ALDH1A2: variants seen among roughly 807,000 people sequenced by gnomAD.
ALDH1A2 encodes the protein retinal dehydrogenase 2.
ALDH1A2 carries 27 observed loss-of-function variants against 60.3 expected under a neutral mutation model. The observed-to-expected ratio is 0.45, with a 90% confidence interval of 0.33 to 0.62. ALDH1A2 has a LOEUF of 0.62. ALDH1A2 is among the 20% of genes least tolerant of loss of function. ALDH1A2 has a pLI of 0.02. For missense variants in ALDH1A2, 581 were observed against 643.8 expected, an observed-to-expected ratio of 0.90 and a Z score of 1.06; for synonymous variants, 289 against 232.4, an observed-to-expected ratio of 1.24 and a Z score of -2.21.
chr15:58,002,081 T>C (rs1043015900), intron 4 of ALDH1A2, among the ~76,000 whole-genome samples: 8 of 151,906 alleles, frequency 5.3e-5, no homozygotes, highest in Admixed American at 1.3e-4. Flanking sequence ...CAGTCAGAGG[T>C]AACTTTTCTG....
rs187014306 is a variant in ALDH1A2 at position 58,032,863 on chromosome 15, A to G, written c.118-18582T>C. Among the ~76,000 whole-genome samples, 178 of 152,094 alleles carry G rather than the reference A, an allele frequency of 1.2e-3. 1 individual carries two copies. The highest frequency in any genetic ancestry group is 4.1e-3 in the African/African-American group (169 of 41,526). ...TTTAGCCATAGAAAAGAAATGAATC[A>G]TGTCATTTGCAGCAACGTAGATGGG... On this transcript the variant is annotated intron_variant, in intron 1 of 12. Coordinates refer to ENST00000249750, the MANE Select transcript of ALDH1A2 (RefSeq NM_003888.4).
At chr15:58,040,516 C>T (rs1198142008) in intron 1 of ALDH1A2, among the ~76,000 whole-genome samples, 4 of 151,816 alleles carry the variant, frequency 2.6e-5, no homozygotes, top group African/African-American at 9.7e-5. Context: ...AACAAATCTA[C>T]GATGTAGGCA....
chr15:57,982,734 G>C (rs759871001), intron 7 of ALDH1A2, among the ~76,000 whole-genome samples: 1 of 152,188 alleles, frequency 6.6e-6, no homozygotes, highest in African/African-American at 2.4e-5. Flanking sequence ...ATGTGGTTAA[G>C]AATAATATAA....
chr15:58,025,570 C>A (rs1896058051), intron 1 of ALDH1A2, among the ~76,000 whole-genome samples: 1 of 152,076 alleles, frequency 6.6e-6, no homozygotes, highest in Non-Finnish European at 1.5e-5. Context: ...CCAAATTCTA[C>A]CAAACATACA....
Position 58,002,564 on chromosome 15 carries a change from C to G in ALDH1A2, c.494-7425G>C, listed in dbSNP as rs1895309861. On this transcript the variant is annotated intron_variant, in intron 4 of 12. Coordinates refer to ENST00000249750, the MANE Select transcript of ALDH1A2 (RefSeq NM_003888.4). ...TGAGTATGACTAAGCAATCTGTAAA[C>G]AGTGATAAAATCAGAAGAATCTGAA... Among the ~76,000 whole-genome samples the G allele has an allele frequency of 2.6e-5, 4 of 151,898 alleles. No homozygotes were observed. In the South Asian group the frequency reaches 6.2e-4, roughly 24 times the overall value.
chr15:57,966,569 C>T (rs528415203), intron 7 of ALDH1A2, among the ~76,000 whole-genome samples: 5 of 152,354 alleles, frequency 3.3e-5, no homozygotes, highest in Admixed American at 2.0e-4. Context: ...CAGCCTGCAG[C>T]TGTCACCTCC....
At chr15:57,986,571 CAAA>C (rs71116542) in intron 7 of ALDH1A2, among the ~76,000 whole-genome samples, 2,048 of 82,032 alleles carry the variant, frequency 0.025, 48 homozygotes, top group African/African-American at 0.075. Context: ...ACAGAAAAGC[CAAA>C]AAAAAAAAAA....
chr15:57,955,534 A>C (rs1218324477), intron 12 of ALDH1A2, among the ~76,000 whole-genome samples: 1 of 152,218 alleles, frequency 6.6e-6, no homozygotes, highest in Non-Finnish European at 1.5e-5. Flanking sequence ...ACTTGTTTTC[A>C]CAATACTGCA....
At chr15:58,059,573 T>C (rs567290188) in intron 1 of ALDH1A2, among the ~76,000 whole-genome samples, 2 of 152,350 alleles carry the variant, frequency 1.3e-5, no homozygotes, top group East Asian at 1.9e-4. Flanking sequence ...TGTATTTTTA[T>C]CCTAACTACT....
intron 1 of ALDH1A2, among the ~76,000 whole-genome samples, chr15:58,038,098 G>A (rs982464436): frequency 3.3e-5 from 5 of 151,258 alleles, no homozygotes; most frequent in African/African-American, 9.7e-5. Context: ...GGGTTTCCCT[G>A]GTCTCTTCCT....
chr15:57,964,182 A>C (rs1488055037), intron 8 of ALDH1A2, 113 bp from the exon 9 acceptor site: 1 of 1,066,680 alleles, frequency 9.4e-7, no homozygotes, highest in African/African-American at 1.6e-5. Flanking sequence ...ACTGCATGAC[A>C]TAACCATGAA....
intron 7 of ALDH1A2, among the ~76,000 whole-genome samples, chr15:57,974,432 C>CAAAAAAAAAA (rs61170362): frequency 7.2e-5 from 7 of 96,620 alleles, no homozygotes; most frequent in East Asian, 3.8e-4. Context: ...GACTCCATCT[C>CAAAAAAAAAA]AAAAAAAAAA....
rs758948110 is a variant in ALDH1A2, at chr15:57,992,714, C to T, written c.789G>A (p.Gly263=). 2.5e-6 allele frequency: 4 copies of T among 1,614,038 alleles called. No homozygotes were observed. Among genetic ancestry groups the T allele is most frequent in the Admixed American group, 3.3e-5 (2 of 60,012 alleles). ...TTTTTCAGATACCTACCTCAGTAGA[C>T]CCTGTGAATGCAATCTTGTCTATGC... The part of the protein sequence containing the change: ...HIGIDKIAFT[G]STEVGKLIQE... Residue 263 remains glycine, a synonymous_variant, in exon 7 of 13, where the codon GGG becomes GGA. Transcript: ENST00000249750.
chr15:58,050,187 T>C (rs1896739154), intron 1 of ALDH1A2, among the ~76,000 whole-genome samples: 2 of 130,228 alleles, frequency 1.5e-5, no homozygotes, highest in African/African-American at 5.7e-5. Flanking sequence ...TCAATAGTAT[T>C]GCTAGGGTTA....
At position 57,993,083 on chromosome 15, in the gene ALDH1A2, A is replaced by T; in HGVS notation, c.556-10T>A. The T allele has an allele frequency of 3.7e-6, 6 of 1,611,598 alleles. No homozygotes were observed. The highest frequency in any genetic ancestry group is 5.1e-6 in the Non-Finnish European group (6 of 1,179,846). ...GCAGGGGGAAGTTCCACTGAAAGGA[A>T]AAAACTCAAAGTTGATAGATGGAAA... On this transcript the variant is annotated splice_polypyrimidine_tract_variant and intron_variant, in intron 5 of 12. Transcript: ENST00000249750.
intron 1 of ALDH1A2, among the ~76,000 whole-genome samples, chr15:58,019,809 TTTTTTA>T (rs1264984470): frequency 6.6e-6 from 1 of 152,156 alleles, no homozygotes; most frequent in African/African-American, 2.4e-5. Context: ...AATCACTTTC[TTTTTTA>T]TTATTATTTT....
chr15:57,974,842 T>C (rs1351238630), intron 7 of ALDH1A2, among the ~76,000 whole-genome samples: 5 of 152,186 alleles, frequency 3.3e-5, no homozygotes, highest in African/African-American at 1.2e-4. Flanking sequence ...AGGACTTTTA[T>C]CCAGAATATA....
At chr15:58,001,525 C>G (rs563967429) in intron 4 of ALDH1A2, among the ~76,000 whole-genome samples, 100 of 152,014 alleles carry the variant, frequency 6.6e-4, no homozygotes, top group Non-Finnish European at 1.3e-3. Flanking sequence ...TTCATCTAGG[C>G]AGAGCCAACT....
At chr15:57,999,233 CA>C (rs1333565527) in intron 4 of ALDH1A2, among the ~76,000 whole-genome samples, 1 of 151,886 alleles carries the variant, frequency 6.6e-6, no homozygotes, top group Non-Finnish European at 1.5e-5. Context: ...TTCTGCACAG[CA>C]AAAGGAACTA....
Sources: gnomAD v4.1 joint callset for allele counts (sites outside exome capture counted in the v4.1 genomes callset) on GRCh38, gnomAD v4.1.1 for gene constraint, MANE v1.5 for transcripts, NCBI Gene and HGNC (gene_info 2026-07-23, HGNC 2026-07-21) for gene names.